Variants in INPP5A observed in about 807,000 individuals in gnomAD.
INPP5A encodes the protein inositol polyphosphate-5-phosphatase A, also known as 43 kDa inositol polyphosphate 5-phophatase.
A neutral mutation model predicts 65.2 loss-of-function variants in INPP5A; 14 were observed. The observed-to-expected ratio is 0.21, with a 90% CI of 0.14 to 0.34. INPP5A has a LOEUF of 0.34. Among genes scored for constraint, INPP5A ranks in the 10% least tolerant of loss-of-function variants. INPP5A has a pLI of 1.00. For missense variants in INPP5A, 431 were observed against 545.6 expected, an observed-to-expected ratio of 0.79 and a Z score of 2.09; for synonymous variants, 207 against 208.3, an observed-to-expected ratio of 0.99 and a Z score of 0.05.
In INPP5A at chr10:132,538,779, C is replaced by T. The variant is rs1025817562; in HGVS notation, c.75+608C>T. Among the ~76,000 whole-genome samples, 2 of 152,166 alleles carry T rather than the reference C, an allele frequency of 1.3e-5. No homozygotes were observed. The highest frequency in any genetic ancestry group is 4.8e-5 in the African/African-American group (2 of 41,426). On this transcript the variant is annotated intron_variant, in intron 1 of 15. Coordinates refer to ENST00000368594, the MANE Select transcript of INPP5A (RefSeq NM_005539.5). The surrounding 1 kb of genome is among the most constrained non-coding windows in gnomAD (Gnocchi z 4.1). Reference sequence around the variant, plus strand: ...CTGAAACATAACCACAAACCCTAACCCAGGAACTTCTGACACAGGGCTGTG... The same window carrying T: ...CTGAAACATAACCACAAACCCTAACTCAGGAACTTCTGACACAGGGCTGTG...
At chr10:132,580,808 C>G (rs1261163956) in intron 1 of INPP5A, among the ~76,000 whole-genome samples, 3 of 152,208 alleles carry the variant, frequency 2.0e-5, no homozygotes, top group Non-Finnish European at 4.4e-5. Context: ...TGATGCATTT[C>G]CAGGTAAATT....
chr10:132,725,422 G>A (rs1037071299), intron 8 of INPP5A, among the ~76,000 whole-genome samples: 3 of 152,362 alleles, frequency 2.0e-5, no homozygotes, highest in African/African-American at 7.2e-5. Flanking sequence ...ACCCGAGGGT[G>A]GAGGTGTCAG....
At chr10:132,755,993 G>A (rs972446700) in intron 11 of INPP5A, among the ~76,000 whole-genome samples, 1 of 152,246 alleles carries the variant, frequency 6.6e-6, no homozygotes, top group Admixed American at 6.5e-5. Context: ...ACACCAAACA[G>A]TGTGGAGTCG....
chr10:132,748,932 C>T lies in INPP5A; in HGVS notation c.733-585C>T, dbSNP rs141938648. ...CTGAGTTGTTCTTGGGTCCTGTCCA[C>T]CTGCCTCTGGGCCCCTGCCCACCCC... On this transcript the variant is annotated intron_variant, in intron 9 of 15. Coordinates refer to ENST00000368594, the MANE Select transcript of INPP5A (RefSeq NM_005539.5). Among the ~76,000 whole-genome samples, 1,390 of 152,346 alleles carry T rather than the reference C, an allele frequency of 9.1e-3. 14 individuals are homozygous for T. Among genetic ancestry groups the T allele is most frequent in the Middle Eastern group, 0.024 (7 of 294 alleles).
At chr10:132,778,940 G>A (rs1193056234) in intron 13 of INPP5A, among the ~76,000 whole-genome samples, 1 of 152,258 alleles carries the variant, frequency 6.6e-6, no homozygotes, top group Admixed American at 6.5e-5. Context: ...CCTCTGCCAT[G>A]TGGCTCTGTC....
intron 8 of INPP5A, among the ~76,000 whole-genome samples, chr10:132,714,569 C>G (rs961574702): frequency 5.9e-5 from 9 of 152,110 alleles, no homozygotes; most frequent in African/African-American, 9.7e-5. Context: ...GTCCATGTCC[C>G]GTATCAGCTG....
intron 2 of INPP5A, among the ~76,000 whole-genome samples, chr10:132,629,936 G>T (rs190413971): frequency 4.6e-5 from 7 of 152,116 alleles, no homozygotes; most frequent in Non-Finnish European, 8.8e-5. Context: ...AAGGGTGGGC[G>T]TCCTTGAGGG....
At chr10:132,750,962 G>A (rs1024376644) in intron 11 of INPP5A, among the ~76,000 whole-genome samples, 9 of 152,216 alleles carry the variant, frequency 5.9e-5, no homozygotes, top group Non-Finnish European at 7.3e-5. Context: ...GTTTCCCCTC[G>A]TGGGGTTTGG....
intron 11 of INPP5A, among the ~76,000 whole-genome samples, chr10:132,754,588 C>A (rs1052050001): frequency 6.6e-6 from 1 of 152,244 alleles, no homozygotes; most frequent in Non-Finnish European, 1.5e-5. Context: ...TCAAACCACA[C>A]ACGAATTTCC....
At chr10:132,540,156 A>G (rs2070890422) in intron 1 of INPP5A, among the ~76,000 whole-genome samples, 1 of 152,216 alleles carries the variant, frequency 6.6e-6, no homozygotes, top group Non-Finnish European at 1.5e-5. Flanking sequence ...CAGGAGCATT[A>G]AGCTTGCTGG....
At chr10:132,585,622 A>G (rs2814446) in intron 1 of INPP5A, among the ~76,000 whole-genome samples, 34,952 of 152,158 alleles carry the variant, frequency 0.23, 4,874 homozygotes, top group East Asian at 0.46. Flanking sequence ...AAGCTCCACA[A>G]TGGTGAGAAG....
rs1028195814 is a variant in INPP5A at position 132,557,541 on chromosome 10, G to T, written c.75+19370G>T. Among the ~76,000 whole-genome samples, 6 of 152,360 alleles carry T rather than the reference G, an allele frequency of 3.9e-5. No individual in the cohort carries two copies. In the Middle Eastern group the frequency reaches 0.01, roughly 259 times the overall value. ...CAGCTGCTCATTTTTGTGTAGGGCC[G>T]AGTCAATTTTTTCTTCTTGCCTCTT... On this transcript the variant is annotated intron_variant, in intron 1 of 15. Transcript: ENST00000368594.
intron 2 of INPP5A, among the ~76,000 whole-genome samples, chr10:132,611,893 C>T (rs1378742141): frequency 9.7e-5 from 13 of 134,406 alleles, no homozygotes; most frequent in South Asian, 2.5e-4. Context: ...GGGAGAGGCC[C>T]CATCAGAGGA....
intron 11 of INPP5A, among the ~76,000 whole-genome samples, chr10:132,758,508 C>T (rs992657792): frequency 1.6e-5 from 2 of 127,274 alleles, no homozygotes; most frequent in Non-Finnish European, 3.6e-5. Flanking sequence ...CGTGGGTGCC[C>T]GGCCGACCCC....
At chr10:132,642,944 C>A (rs984165539) in intron 2 of INPP5A, among the ~76,000 whole-genome samples, 1 of 152,190 alleles carries the variant, frequency 6.6e-6, no homozygotes, top group Non-Finnish European at 1.5e-5. Context: ...CGTAGCTGAG[C>A]TCACGTTCCG....
At chr10:132,602,597 A>G (rs1050931834) in intron 1 of INPP5A, among the ~76,000 whole-genome samples, 1 of 152,280 alleles carries the variant, frequency 6.6e-6, no homozygotes, top group East Asian at 1.9e-4. Flanking sequence ...GCCCGGCCTT[A>G]TTTCTATCAA....
At chr10:132,655,637 G>C (rs1251851037) in intron 4 of INPP5A, among the ~76,000 whole-genome samples, 1 of 152,190 alleles carries the variant, frequency 6.6e-6, no homozygotes, top group Admixed American at 6.5e-5. Flanking sequence ...AACGTCACCC[G>C]CATCTGGTTT....
At chr10:132,596,230 C>T (rs922816130) in intron 1 of INPP5A, among the ~76,000 whole-genome samples, 5 of 152,154 alleles carry the variant, frequency 3.3e-5, no homozygotes, top group African/African-American at 7.2e-5. Context: ...GCTACATGGA[C>T]GTGGCATGGC....
chr10:132,573,596 T>G (rs563647340), intron 1 of INPP5A, among the ~76,000 whole-genome samples: 34 of 127,006 alleles, frequency 2.7e-4, no homozygotes, highest in South Asian at 7.9e-4. Flanking sequence ...GTGTGCCGTG[T>G]GAGGTTTTGT....
Sources: gnomAD v4.1 joint callset for allele counts (sites outside exome capture counted in the v4.1 genomes callset) on GRCh38, gnomAD v4.1.1 for gene constraint, Gnocchi (gnomAD v3.1) non-coding constraint, MANE v1.5 for transcripts, NCBI Gene and HGNC (gene_info 2026-07-23, HGNC 2026-07-21) for gene names.